Variants in KIAA1217 observed in about 807,000 individuals in gnomAD.
KIAA1217 encodes sickle tail protein homolog.
A neutral mutation model predicts 163.9 loss-of-function variants in KIAA1217; 88 were observed. The ratio of observed to expected loss-of-function variants is 0.54; its 90% CI spans 0.45 to 0.64. KIAA1217 has a LOEUF of 0.64. Among genes scored for constraint, KIAA1217 ranks in the 30% least tolerant of loss-of-function variants. KIAA1217 has a pLI of 0.00. For synonymous variants in KIAA1217, 903 were observed against 923.1 expected, an observed-to-expected ratio of 0.98 and a Z score of 0.39; for missense variants, 2,372 against 2,475.0, an observed-to-expected ratio of 0.96 and a Z score of 0.88.
chr10:24,057,294 A>G (rs893961317), intron 2 of KIAA1217, among the ~76,000 whole-genome samples: 6 of 152,324 alleles, frequency 3.9e-5, no homozygotes, highest in African/African-American at 1.4e-4. Flanking sequence ...ATAACACGTG[A>G]TCTAGCCTCT....
intron 1 of KIAA1217, among the ~76,000 whole-genome samples, chr10:24,211,584 TG>T (rs1172338764): frequency 3.4e-5 from 5 of 146,944 alleles, no homozygotes; most frequent in South Asian, 2.2e-4. Context: ...TGTATTGTAT[TG>T]TATTGTATTT....
In KIAA1217 at chr10:23,845,424, C is replaced by T. The variant is rs972159743; in HGVS notation, c.-321+150190C>T. Among the ~76,000 whole-genome samples the T allele has an allele frequency of 2.2e-4, 34 of 152,160 alleles. 1 individual carries two copies. The highest frequency in any genetic ancestry group is 6.5e-4 in the African/African-American group (27 of 41,442). On this transcript the variant is annotated intron_variant, in intron 1 of 18. Coordinates refer to the KIAA1217 transcript ENST00000376462. ...TTGTTTCCTGACTTTTTAATGATCT[C>T]CATTCTAACTGGCATGAGATGGTAT...
chr10:24,536,669 G>A (rs2074061031), intron 16 of KIAA1217, 105 bp from the exon 17 acceptor site: 2 of 1,223,616 alleles, frequency 1.6e-6, no homozygotes, highest in Non-Finnish European at 2.3e-6. Flanking sequence ...CCTGCGTGCA[G>A]GACCCGGGTT....
intron 1 of KIAA1217, among the ~76,000 whole-genome samples, chr10:24,213,810 G>A (rs1276939983): frequency 6.6e-6 from 1 of 152,064 alleles, no homozygotes; most frequent in African/African-American, 2.4e-5. Flanking sequence ...AAATTTTAAG[G>A]TACTATAGAG....
chr10:23,779,172 T>C (rs919827575), intron 1 of KIAA1217, among the ~76,000 whole-genome samples: 3 of 152,222 alleles, frequency 2.0e-5, no homozygotes, highest in Admixed American at 2.0e-4. Flanking sequence ...TCAGAGCTGA[T>C]GTACTGTAAC....
At position 23,934,583 on chromosome 10, in the gene KIAA1217, A is replaced by ATATATATATATG. The variant is rs1226321775; in HGVS notation, c.-320-72635_-320-72634insATATGTATATAT. Among the ~76,000 whole-genome samples the ATATATATATATG allele has an allele frequency of 2.8e-3, 176 of 63,990 alleles. 2 individuals carry two copies. Among genetic ancestry groups the ATATATATATATG allele is most frequent in the Non-Finnish European group, 3.8e-3 (152 of 39,776 alleles). The allele number at this position is 63,990 out of a possible 152,430, so 42.0% of individuals were successfully genotyped here. ...TATATATATATATATATATATATAT[A>ATATATATATATG]TATATATGTATATATATATATATGT... is the stretch of plus-strand genomic sequence containing the variant. On this transcript the variant is annotated intron_variant, in intron 1 of 18. Coordinates refer to the KIAA1217 transcript ENST00000376462.
intron 2 of KIAA1217, among the ~76,000 whole-genome samples, chr10:24,159,884 T>TA (rs2065043654): frequency 6.6e-6 from 1 of 152,264 alleles, no homozygotes; most frequent in South Asian, 2.1e-4. Context: ...ATAGAGTTTT[T>TA]ATCTGGTGCA....
intron 2 of KIAA1217, among the ~76,000 whole-genome samples, chr10:24,248,004 G>A (rs1369801722): frequency 6.6e-6 from 1 of 152,184 alleles, no homozygotes; most frequent in Non-Finnish European, 1.5e-5. Flanking sequence ...TTCAAGGGAG[G>A]CCAGCAGTTT....
At chr10:24,340,376 A>C (rs905803619) in intron 2 of KIAA1217, among the ~76,000 whole-genome samples, 4 of 151,916 alleles carry the variant, frequency 2.6e-5, no homozygotes, top group Non-Finnish European at 5.9e-5. Context: ...TAAAGGGTTA[A>C]CCCTTTCACT....
At chr10:24,045,307 C>T (rs962361386) in intron 2 of KIAA1217, among the ~76,000 whole-genome samples, 3 of 151,962 alleles carry the variant, frequency 2.0e-5, no homozygotes, top group African/African-American at 7.2e-5. Flanking sequence ...TCTGAAATTT[C>T]ACTGAAGTAT....
intron 19 of KIAA1217, 74 bp from the exon 20 acceptor site, chr10:24,544,907 C>T (rs1423598283): frequency 1.2e-5 from 19 of 1,526,344 alleles, no homozygotes; most frequent in Admixed American, 1.8e-5. Context: ...CTCTGCACAT[C>T]GTGGGGCAGC....
intron 1 of KIAA1217, among the ~76,000 whole-genome samples, chr10:23,992,601 T>C (rs1846264748): frequency 6.9e-6 from 1 of 145,314 alleles, no homozygotes; most frequent in African/African-American, 2.6e-5. Flanking sequence ...AACAGGGCCA[T>C]CATTTCTTTT....
intron 1 of KIAA1217, among the ~76,000 whole-genome samples, chr10:23,953,459 C>T (rs1844426976): frequency 6.6e-6 from 1 of 152,164 alleles, no homozygotes; most frequent in Non-Finnish European, 1.5e-5. Context: ...CTAGAGGTAT[C>T]AGCTATGATT....
chr10:24,444,001 GTTTTCTTTTC>G (rs201727861), intron 5 of KIAA1217, among the ~76,000 whole-genome samples: 1 of 151,900 alleles, frequency 6.6e-6, no homozygotes, highest in African/African-American at 2.4e-5. Context: ...AAATCTGTTT[GTTTTCTTTTC>G]TTTTCTTTTC....
At chr10:23,731,209 G>A (rs1229637408) in intron 1 of KIAA1217, among the ~76,000 whole-genome samples, 1 of 151,840 alleles carries the variant, frequency 6.6e-6, no homozygotes, top group African/African-American at 2.4e-5. Context: ...AGGGGAAGGT[G>A]GAACAGAAAT....
intron 9 of KIAA1217, among the ~76,000 whole-genome samples, chr10:24,510,276 A>G (rs575652096): frequency 5.9e-5 from 9 of 152,252 alleles, no homozygotes; most frequent in Admixed American, 5.9e-4. Flanking sequence ...CAATTTTATG[A>G]ATTTTAAATA....
intron 3 of KIAA1217, among the ~76,000 whole-genome samples, chr10:24,425,755 G>C (rs1391299322): frequency 2.0e-5 from 3 of 152,134 alleles, no homozygotes; most frequent in Non-Finnish European, 4.4e-5. Context: ...AGTTGAATTA[G>C]TGCTTCAAAC....
intron 2 of KIAA1217, among the ~76,000 whole-genome samples, chr10:24,155,655 T>A (rs1222978041): frequency 6.6e-6 from 1 of 152,012 alleles, no homozygotes; most frequent in Admixed American, 6.6e-5. Flanking sequence ...ACCCTGTCTC[T>A]ACTAAAAAAT....
At chr10:24,519,775 C>G (rs1363632572) in intron 10 of KIAA1217, among the ~76,000 whole-genome samples, 2 of 152,136 alleles carry the variant, frequency 1.3e-5, no homozygotes, top group Non-Finnish European at 2.9e-5. Flanking sequence ...CTTTCTCCCT[C>G]TCTCTCCTAC....
Sources: gnomAD v4.1 joint callset for allele counts (sites outside exome capture counted in the v4.1 genomes callset) on GRCh38, gnomAD v4.1.1 for gene constraint, MANE v1.5 for transcripts, NCBI Gene and HGNC (gene_info 2026-07-23, HGNC 2026-07-21) for gene names.